The following MAPK10 variants were observed in gnomAD, a reference collection of about 807,000 sequenced individuals.
MAPK10 encodes the protein JNK3 alpha protein kinase.
Under a neutral mutation model 59.3 loss-of-function variants are expected in MAPK10, and 25 were observed. The ratio of observed to expected loss-of-function variants is 0.42; its 90% CI spans 0.31 to 0.59. The LOEUF (loss-of-function observed/expected upper bound fraction) is 0.59, where lower values mean the gene tolerates loss of function less well. Among genes scored for constraint, MAPK10 ranks in the 20% least tolerant of loss-of-function variants. The probability of loss-of-function intolerance (pLI) is 0.15; values close to 1 mark genes in which losing one functional copy is unlikely to be tolerated. For synonymous variants in MAPK10, 190 were observed against 200.5 expected (o/e 0.95, Z 0.44); for missense variants, 351 against 568.9 (o/e 0.62, Z 3.90).
intron 1 of MAPK10, among the ~76,000 whole-genome samples, chr4:86,426,632 C>CA (rs1747314460): frequency 6.6e-6 from 1 of 152,160 alleles, no homozygotes; most frequent in Admixed American, 6.5e-5. Flanking sequence ...ACCTGAAAAA[C>CA]ACATCAGGAA....
At chr4:86,583,364 T>C (rs1263033681) in intron 1 of MAPK10, among the ~76,000 whole-genome samples, 2 of 152,086 alleles carry the variant, frequency 1.3e-5, no homozygotes, top group Non-Finnish European at 2.9e-5. Flanking sequence ...CTACCTTTTC[T>C]AGAAGCTAGA....
At chr4:86,439,781 G>GT (rs1358732973) in intron 1 of MAPK10, among the ~76,000 whole-genome samples, 2 of 151,960 alleles carry the variant, frequency 1.3e-5, no homozygotes, top group Admixed American at 6.6e-5. Context: ...TTTGTTTCTT[G>GT]TTTTTTGTTT....
chr4:86,444,448 C>A (rs901886651), intron 1 of MAPK10, among the ~76,000 whole-genome samples: 1 of 151,976 alleles, frequency 6.6e-6, no homozygotes, highest in African/African-American at 2.4e-5. Context: ...AAATGTAAAA[C>A]CCAAAGCTAG....
At chr4:86,387,497 T>A (rs1249236107) in intron 1 of MAPK10, among the ~76,000 whole-genome samples, 2 of 152,240 alleles carry the variant, frequency 1.3e-5, no homozygotes, top group African/African-American at 4.8e-5. Context: ...TCTTGAATTA[T>A]AAAACACATT....
chr4:86,508,771 A>G (rs1579433061), intron 1 of MAPK10, among the ~76,000 whole-genome samples: 1 of 152,220 alleles, frequency 6.6e-6, no homozygotes, highest in South Asian at 2.1e-4. Flanking sequence ...ACCATGATCT[A>G]AACCACCAGT....
intron 11 of MAPK10, among the ~76,000 whole-genome samples, chr4:86,054,602 T>C (rs2044191460): frequency 6.6e-6 from 1 of 152,188 alleles, no homozygotes; most frequent in Non-Finnish European, 1.5e-5. Context: ...AAAATACGAA[T>C]TGCTCTTTCT....
intron 2 of MAPK10, among the ~76,000 whole-genome samples, chr4:86,336,898 C>T (rs1721778814): frequency 6.8e-6 from 1 of 147,138 alleles, no homozygotes. Flanking sequence ...TCACACCATT[C>T]TCCTGCCTCA....
intron 3 of MAPK10, among the ~76,000 whole-genome samples, chr4:86,164,947 T>C (rs1460760): frequency 0.33 from 49,441 of 152,022 alleles, 11,092 homozygotes; most frequent in African/African-American, 0.64. Flanking sequence ...TGGATATTCA[T>C]GGATGCCAAG....
intron 1 of MAPK10, among the ~76,000 whole-genome samples, chr4:86,437,213 C>CAAAA (rs61312037): frequency 3.7e-5 from 3 of 80,752 alleles, no homozygotes; most frequent in African/African-American, 9.3e-5. Context: ...GACTCTGTCT[C>CAAAA]AAAAAAAAAA....
intron 2 of MAPK10, among the ~76,000 whole-genome samples, chr4:86,220,896 T>C (rs908546142): frequency 2.0e-5 from 3 of 152,230 alleles, no homozygotes; most frequent in African/African-American, 7.2e-5. Flanking sequence ...TATGTCTCAA[T>C]TGTCGAACAA....
intron 3 of MAPK10, among the ~76,000 whole-genome samples, chr4:86,163,645 A>G (rs2070621309): frequency 1.3e-5 from 2 of 152,172 alleles, no homozygotes; most frequent in Admixed American, 1.3e-4. Flanking sequence ...TATAAAATGC[A>G]AAGTTTCTGA....
intron 4 of MAPK10, among the ~76,000 whole-genome samples, chr4:86,138,991 C>CGGGGGCACCGATTA (rs1290200100): frequency 3.5e-5 from 2 of 57,198 alleles, no homozygotes; most frequent in Non-Finnish European, 1.2e-4. Flanking sequence ...TGAAGGACCT[C>CGGGGGCACCGATTA]TTCAAGGAGA....
intron 9 of MAPK10, among the ~76,000 whole-genome samples, chr4:86,068,173 A>T (rs1450575895): frequency 6.6e-6 from 1 of 152,218 alleles, no homozygotes; most frequent in Non-Finnish European, 1.5e-5. Context: ...AAAACTAGCA[A>T]TTATTTAACA....
At chr4:86,384,642 G>A (rs1019987832) in intron 1 of MAPK10, among the ~76,000 whole-genome samples, 2 of 152,150 alleles carry the variant, frequency 1.3e-5, no homozygotes, top group African/African-American at 4.8e-5. Flanking sequence ...CATTAGAGGA[G>A]GACAGCAGGG....
At chr4:86,555,606 C>T (rs1299347977) in intron 1 of MAPK10, among the ~76,000 whole-genome samples, 1 of 152,132 alleles carries the variant, frequency 6.6e-6, no homozygotes, top group African/African-American at 2.4e-5. Flanking sequence ...TCTTGAGCAA[C>T]CAAATGCTGG....
At chr4:86,421,087 GAAAA>G (rs919663885) in intron 1 of MAPK10, among the ~76,000 whole-genome samples, 3 of 144,392 alleles carry the variant, frequency 2.1e-5, no homozygotes, top group African/African-American at 7.6e-5. Context: ...ACCTCAGAAA[GAAAA>G]AAAAAAAATT....
chr4:86,527,312 CAAAAAAAAAAAAAAAA>C (rs57390422), intron 1 of MAPK10, among the ~76,000 whole-genome samples: 1 of 16,182 alleles, frequency 6.2e-5, no homozygotes, highest in Admixed American at 8.8e-4. Context: ...ACACTGTTGC[CAAAAAAAAAAAAAAAA>C]AAAAAAAAAA....
intron 1 of MAPK10, among the ~76,000 whole-genome samples, chr4:86,483,522 G>T (rs532951420): frequency 2.0e-5 from 3 of 151,978 alleles, no homozygotes; most frequent in South Asian, 4.2e-4. Context: ...CAGAAAGACC[G>T]CTAAGCCGCA....
At chr4:86,221,729 T>C (rs10009161) in intron 2 of MAPK10, among the ~76,000 whole-genome samples, 49,910 of 151,958 alleles carry the variant, frequency 0.33, 11,138 homozygotes, top group African/African-American at 0.64. Flanking sequence ...TCTCGAACTC[T>C]TGGGTTCAAG....
Sources: gnomAD v4.1 joint callset for allele counts (sites outside exome capture counted in the v4.1 genomes callset) on GRCh38, gnomAD v4.1.1 for gene constraint, MANE v1.5 for transcripts, NCBI Gene and HGNC (gene_info 2026-07-23, HGNC 2026-07-21) for gene names.